SPRY3: variants seen among roughly 807,000 people sequenced by gnomAD.
SPRY3 encodes sprouty RTK signaling antagonist 3.
Under a neutral mutation model 20.2 loss-of-function variants are expected in SPRY3, and 15 were observed. The ratio of observed to expected loss-of-function variants is 0.74; its 90% CI spans 0.50 to 1.14. The LOEUF (loss-of-function observed/expected upper bound fraction) is 1.14, where lower values mean the gene tolerates loss of function less well. Among genes scored for constraint, SPRY3 ranks in the 50% most tolerant of loss-of-function variants. The pLI is 0.00. For synonymous variants in SPRY3, 143 were observed against 136.5 expected (o/e 1.05, Z -0.33); for missense variants, 364 against 363.9 (o/e 1.00, Z 0.00).
intron 2 of SPRY3, among the ~76,000 whole-genome samples, chrX:155,741,343 T>A (rs2091203528): frequency 6.6e-6 from 1 of 152,084 alleles, no homozygotes; most frequent in Admixed American, 6.5e-5. Flanking sequence ...CCAAGAACTA[T>A]GGGATTATGT....
intron 2 of SPRY3, among the ~76,000 whole-genome samples, chrX:155,674,096 A>G (rs1397703350): frequency 9.0e-6 from 1 of 111,712 alleles, no homozygotes; most frequent in Non-Finnish European, 1.9e-5. Flanking sequence ...TTAATTTTGT[A>G]CGGTGGTTCC....
chrX:155,673,881 G>T (rs1170918701), intron 2 of SPRY3, among the ~76,000 whole-genome samples: 1 of 111,736 alleles, frequency 8.9e-6, no homozygotes, highest in Non-Finnish European at 1.9e-5. Context: ...TAGAACTGCA[G>T]CCTCTCTATT....
intron 1 of SPRY3, among the ~76,000 whole-genome samples, chrX:155,625,288 C>T (rs1349789126): frequency 9.0e-6 from 1 of 111,367 alleles, no homozygotes; most frequent in Non-Finnish European, 1.9e-5. Context: ...TCAGCTTCAA[C>T]TATTCAATTA....
intron 2 of SPRY3, among the ~76,000 whole-genome samples, chrX:155,724,301 T>G (rs1392063058): frequency 1.3e-5 from 2 of 152,054 alleles, no homozygotes; most frequent in South Asian, 2.1e-4. Context: ...CTTTAAAGTA[T>G]TTTTTTCCAA....
chrX:155,776,364 C>T (rs749667526), exon 4 of SPRY3: 11 of 167,212 alleles, frequency 6.6e-5, no homozygotes, highest in Middle Eastern at 3.4e-3. Context: ...CTGGCTTTGT[C>T]TGCAATGGCA....
intron 3 of SPRY3, among the ~76,000 whole-genome samples, chrX:155,771,096 A>C (rs1489339100): frequency 1.3e-5 from 2 of 152,176 alleles, no homozygotes; most frequent in African/African-American, 4.8e-5. Context: ...AAGACAGTGC[A>C]TCATTATTTC....
At chrX:155,742,819 G>A (rs2091209552) in intron 2 of SPRY3, among the ~76,000 whole-genome samples, 1 of 152,074 alleles carries the variant, frequency 6.6e-6, no homozygotes, top group Admixed American at 6.6e-5. Context: ...CAGAATCCCT[G>A]GGACACAGCT....
At chrX:155,774,647 G>C in exon 4 of SPRY3, 1 of 1,613,960 alleles carries the variant, frequency 6.2e-7, no homozygotes, top group Non-Finnish European at 8.5e-7. Flanking sequence ...CGGCGACCAG[G>C]CTGCCGCTGC....
intron 2 of SPRY3, among the ~76,000 whole-genome samples, chrX:155,661,887 G>C (rs1394418260): frequency 3.6e-5 from 4 of 111,341 alleles, no homozygotes; most frequent in Admixed American, 9.5e-5. Context: ...CAGTAGTTCT[G>C]TATGGGTTTT....
At chrX:155,675,469 G>A (rs1055873204) in intron 2 of SPRY3, among the ~76,000 whole-genome samples, 4 of 111,041 alleles carry the variant, frequency 3.6e-5, no homozygotes, top group African/African-American at 1.3e-4. Flanking sequence ...TGCCAGAAAC[G>A]TCAAAATTAA....
rs190473225 is a variant in SPRY3, at chrX:155,684,399, G to C, written c.-282+27374G>C. On this transcript the variant is annotated intron_variant, in intron 2 of 3. Transcript: ENST00000675360. ...CTTCTCCGTCAGAACAGAAGGAAAG[G>C]GGGGACATTGCTTTAGGGTTTTCCA... Among the ~76,000 whole-genome samples the C allele has an allele frequency of 3.6e-5, 4 of 110,960 alleles. No individual in the cohort carries two copies. The East Asian group carries it at 1.1e-3, about 32-fold the overall frequency.
chrX:155,710,622 C>A (rs2090979896), intron 2 of SPRY3, among the ~76,000 whole-genome samples: 1 of 151,742 alleles, frequency 6.6e-6, no homozygotes, highest in South Asian at 2.1e-4. Flanking sequence ...GATAATTTAA[C>A]TTCTTCCTTT....
chrX:155,750,017 G>C (rs948099810), intron 2 of SPRY3, among the ~76,000 whole-genome samples: 2 of 151,728 alleles, frequency 1.3e-5, no homozygotes, highest in South Asian at 2.1e-4. Flanking sequence ...CAAGGATTGA[G>C]TCTTACATTA....
intron 2 of SPRY3, among the ~76,000 whole-genome samples, chrX:155,735,283 G>A (rs2091160555): frequency 6.6e-6 from 1 of 151,882 alleles, no homozygotes; most frequent in African/African-American, 2.4e-5. Flanking sequence ...GATTTATCTT[G>A]ATAAATGTTC....
intron 2 of SPRY3, among the ~76,000 whole-genome samples, chrX:155,721,991 A>G (rs1256439935): frequency 2.6e-5 from 4 of 152,056 alleles, no homozygotes; most frequent in African/African-American, 4.8e-5. Context: ...ATCAAAAACA[A>G]TAACTACAAC....
At chrX:155,709,840 A>T (rs2090974260) in intron 2 of SPRY3, among the ~76,000 whole-genome samples, 1 of 151,724 alleles carries the variant, frequency 6.6e-6, no homozygotes, top group Non-Finnish European at 1.5e-5. Context: ...GGTTTTGTAT[A>T]AGGTGAGAGA....
rs2068097115 is a variant in SPRY3, at chrX:155,689,353, A to T, written c.-282+32328A>T. On this transcript the variant is annotated intron_variant, in intron 2 of 3. Transcript: ENST00000675360. ...CTAGCCAGTTATCCCAGCACCATTT[A>T]TTGTTGTTGTTGTTATGCCTCTTAG... Among the ~76,000 whole-genome samples the T allele has an allele frequency of 2.3e-5, 2 of 85,457 alleles. 1 individual carries two copies. The highest frequency in any genetic ancestry group is 4.3e-5 in the Non-Finnish European group (2 of 46,591). The allele number at this position is 85,457 out of a possible 115,157, so 74.2% of individuals were successfully genotyped here. A position where few individuals can be genotyped will look rare whatever the true frequency, so the allele number is the denominator to read the frequency against.
At chrX:155,739,575 C>T (rs184193371) in intron 2 of SPRY3, among the ~76,000 whole-genome samples, 358 of 152,228 alleles carry the variant, frequency 2.4e-3, no homozygotes, top group African/African-American at 8.2e-3. Context: ...AGCATCAGGT[C>T]GGTGACCACT....
chrX:155,649,461 C>T (rs1312675862), intron 1 of SPRY3, among the ~76,000 whole-genome samples: 1 of 111,506 alleles, frequency 9.0e-6, no homozygotes, highest in Non-Finnish European at 1.9e-5. Flanking sequence ...AAGACTAGTT[C>T]AACATACGCA....
Sources: gnomAD v4.1 joint callset for allele counts (sites outside exome capture counted in the v4.1 genomes callset) on GRCh38, gnomAD v4.1.1 for gene constraint, MANE v1.5 for transcripts, NCBI Gene and HGNC (gene_info 2026-07-23, HGNC 2026-07-21) for gene names.